The following INTS6 variants were observed in gnomAD, a reference collection of about 807,000 sequenced individuals.
INTS6 encodes the protein integrator complex subunit 6.
In INTS6, 16 loss-of-function variants were observed where a neutral mutation model predicts 104.9. That is an observed-to-expected ratio of 0.15 (90% CI 0.10 to 0.23). The LOEUF (loss-of-function observed/expected upper bound fraction) is 0.23. Ranked by LOEUF, INTS6 falls within the 10% of genes least tolerant of loss-of-function variation. The pLI, the probability that INTS6 is intolerant of heterozygous loss-of-function variation, is 1.00. For synonymous variants in INTS6, 324 were observed against 358.7 expected (o/e 0.90, Z 1.09); for missense variants, 584 against 1,062.8 (o/e 0.55, Z 6.26).
At chr13:51,341,904 A>G in the INTS6 span, among the ~76,000 whole-genome samples, 2 of 152,344 alleles carry the variant, frequency 1.3e-5, no homozygotes, top group East Asian at 3.9e-4. Flanking sequence ...TTAAGAGCCC[A>G]TGCTTTTGAC....
At chr13:51,428,356 GCT>G (rs1957022243) in intron 4 of INTS6, among the ~76,000 whole-genome samples, 1 of 128,500 alleles carries the variant, frequency 7.8e-6, no homozygotes, top group Non-Finnish European at 1.6e-5. Flanking sequence ...ACGGAGTCTT[GCT>G]CTGTTGCCCA....
chr13:51,409,682 T>C (rs1956647426), intron 4 of INTS6, among the ~76,000 whole-genome samples: 1 of 152,118 alleles, frequency 6.6e-6, no homozygotes, highest in African/African-American at 2.4e-5. Flanking sequence ...TCCTTAAAAT[T>C]AAATGTTAAT....
intron 4 of INTS6, among the ~76,000 whole-genome samples, chr13:51,413,515 T>C (rs755858520): frequency 1.3e-5 from 2 of 152,172 alleles, no homozygotes; most frequent in Non-Finnish European, 1.5e-5. Flanking sequence ...ATGAGAAAAC[T>C]GAAACTCAAA....
intron 15 of INTS6, among the ~76,000 whole-genome samples, chr13:51,370,906 C>T (rs1393751973): frequency 6.6e-6 from 1 of 152,156 alleles, no homozygotes; most frequent in African/African-American, 2.4e-5. Context: ...TATTCCCTAG[C>T]TCAGAACTCC....
intron 15 of INTS6, among the ~76,000 whole-genome samples, chr13:51,370,533 A>G (rs2137868883): frequency 6.6e-6 from 1 of 152,300 alleles, no homozygotes; most frequent in East Asian, 1.9e-4. Flanking sequence ...GAAGAGACCC[A>G]GAGCCAGCAA....
At chr13:51,348,679 G>C in the INTS6 span, 4 of 236,478 alleles carry the variant, frequency 1.7e-5, no homozygotes, top group Non-Finnish European at 2.7e-5. Flanking sequence ...CACTGGGCTG[G>C]AATGGAGCCC....
At chr13:51,347,827 C>T in the INTS6 span, among the ~76,000 whole-genome samples, 37 of 152,090 alleles carry the variant, frequency 2.4e-4, no homozygotes, top group Non-Finnish European at 4.1e-4. Flanking sequence ...TCTCAGTCAT[C>T]AGATCGAGAA....
At chr13:51,415,405 A>G (rs2138048903) in intron 4 of INTS6, among the ~76,000 whole-genome samples, 1 of 152,296 alleles carries the variant, frequency 6.6e-6, no homozygotes, top group East Asian at 1.9e-4. Flanking sequence ...AACTCCCACA[A>G]TTCCCACATT....
chr13:51,431,253 T>C (rs1957085317), intron 3 of INTS6, among the ~76,000 whole-genome samples: 1 of 152,338 alleles, frequency 6.6e-6, no homozygotes, highest in African/African-American at 2.4e-5. Context: ...AGGGTAAACC[T>C]TGTATTTGAA....
downstream of INTS6, among the ~76,000 whole-genome samples, chr13:51,360,448 A>T (rs2137824420): frequency 6.6e-6 from 1 of 152,126 alleles, no homozygotes; most frequent in South Asian, 2.1e-4. Flanking sequence ...TGATTTCCTA[A>T]GTTTCTTCTG....
chr13:51,336,969 C>T, the INTS6 span, among the ~76,000 whole-genome samples: 1 of 152,252 alleles, frequency 6.6e-6, no homozygotes, highest in Non-Finnish European at 1.5e-5. Context: ...AGCGCTTTGC[C>T]GTTGCCTTCC....
intron 4 of INTS6, among the ~76,000 whole-genome samples, chr13:51,413,086 A>G (rs1424054180): frequency 2.6e-5 from 4 of 152,244 alleles, no homozygotes; most frequent in Non-Finnish European, 5.9e-5. Flanking sequence ...ATCAAAAAGA[A>G]AGACAGGATA....
intron 4 of INTS6, among the ~76,000 whole-genome samples, chr13:51,422,158 C>T (rs537153250): frequency 1.2e-4 from 18 of 152,178 alleles, no homozygotes; most frequent in Middle Eastern, 3.4e-3. Context: ...CATCCTTACA[C>T]GAAAGGTAAT....
Position 51,362,093 on chromosome 13 carries a change from T to G in INTS6, c.*3659A>C. 6.6e-7 allele frequency: 1 copy of G among 1,508,872 alleles called. No homozygotes were observed. The highest frequency in any genetic ancestry group is 8.8e-7 in the Non-Finnish European group (1 of 1,137,532). 93.5% of individuals were successfully genotyped at this position (1,508,872 alleles called of 1,614,324 possible). On this transcript the variant is annotated 3_prime_UTR_variant, in exon 18 of 18. Transcript: ENST00000311234. ...GTACAAAGGAAACTTATCCTCCATGTTTTTTACCTTCTCATTCTCTCAGCT... is the reference window on the plus strand; with the variant it reads ...GTACAAAGGAAACTTATCCTCCATGGTTTTTACCTTCTCATTCTCTCAGCT...
Position 51,452,284 on chromosome 13 carries a change from G to A in INTS6, c.111+131C>T, listed in dbSNP as rs563191295. ...CAGCGCCCGCCCGCCCGCGCGGTGG[G>A]GGAGGGGGTCCCCGAGCCCGGCAGC... On this transcript the variant is annotated intron_variant, in intron 1 of 17. Transcript: ENST00000311234. The surrounding 1 kb of genome is among the most constrained non-coding windows in gnomAD (Gnocchi z 4.2). 3.2e-5 allele frequency: 32 copies of A among 998,702 alleles called. No individual in the cohort carries two copies. The Admixed American group carries it at 6.2e-4, about 19-fold the overall frequency. The allele number at this position is 998,702 out of a possible 1,614,324, so 61.9% of individuals were successfully genotyped here.
intron 3 of INTS6, among the ~76,000 whole-genome samples, chr13:51,433,353 C>T (rs561259505): frequency 8.5e-5 from 13 of 152,230 alleles, no homozygotes; most frequent in Non-Finnish European, 1.8e-4. Flanking sequence ...GAGGCCGAAG[C>T]AGGAGAATCC....
intron 4 of INTS6, among the ~76,000 whole-genome samples, chr13:51,409,451 T>C (rs912490987): frequency 3.3e-5 from 5 of 151,942 alleles, no homozygotes; most frequent in Non-Finnish European, 7.4e-5. Flanking sequence ...TGGACAGATA[T>C]TAGATTCCTC....
intron 3 of INTS6, chr13:51,444,809 T>TTTC (rs1239853050): frequency 6.6e-6 from 1 of 151,232 alleles, no homozygotes; most frequent in Non-Finnish European, 1.5e-5. Context: ...TCTTTTTTTT[T>TTTC]TTTTTTTCAG....
intron 4 of INTS6, among the ~76,000 whole-genome samples, chr13:51,403,783 G>A (rs920401635): frequency 4.0e-5 from 6 of 151,892 alleles, no homozygotes; most frequent in Non-Finnish European, 8.8e-5. Flanking sequence ...AAAGGAGAAG[G>A]ATCTGATTCT....
Sources: allele counts gnomAD v4.1 joint callset (sites outside exome capture counted in the v4.1 genomes callset), GRCh38; gene constraint gnomAD v4.1.1; non-coding constraint Gnocchi (gnomAD v3.1); transcripts MANE v1.5; gene names NCBI Gene and HGNC (gene_info 2026-07-23, HGNC 2026-07-21).